Variants in PRELID1 observed in about 807,000 individuals in gnomAD.
The protein encoded by PRELID1 is PRELI domain-containing protein 1, mitochondrial.
A neutral mutation model predicts 29.0 loss-of-function variants in PRELID1; 15 were observed. That is an observed-to-expected ratio of 0.52 (90% CI 0.35 to 0.80). PRELID1 has a LOEUF of 0.80. Ranked by LOEUF, PRELID1 falls within the 30% of genes least tolerant of loss-of-function variation. The pLI is 0.01. For synonymous variants in PRELID1, 79 were observed against 106.5 expected (o/e 0.74, Z 1.59); for missense variants, 187 against 275.9 (o/e 0.68, Z 2.28).
In PRELID1 at chr5:177,306,181, G is replaced by A. The variant is rs1324109236; in HGVS notation, c.511+5G>A. The A allele has an allele frequency of 1.9e-6, 3 of 1,612,056 alleles. No individual in the cohort carries two copies. The highest frequency in any genetic ancestry group is 2.5e-6 in the Non-Finnish European group (3 of 1,178,250). On this transcript the variant is annotated splice_donor_5th_base_variant and intron_variant, in intron 4 of 4. Transcript: ENST00000303204. ...ATATCTTGGCTAAGCTGCAAGGTGA[G>A]TTTCTGGGTATGTGGATATTCCTCA...
rs529728091 is a variant in PRELID1, at chr5:177,304,739, A to G, written c.207A>G (p.Leu69=). The G allele has an allele frequency of 2.5e-5, 41 of 1,613,830 alleles. No homozygotes were observed. The highest frequency in any genetic ancestry group is 2.5e-4 in the East Asian group (11 of 44,872). Residue 69 remains leucine, a synonymous_variant, in exon 2 of 5, where the codon CTA becomes CTG. Transcript: ENST00000303204. The stretch of plus-strand genomic sequence containing the variant: ...GGATGCCACGCTGGGCCGAGCGACT[A>G]TTTCCTGCCAATGTTGCTCACTCGG... ...TNRMPRWAER[L]FPANVAHSVY...
rs777821883 is a variant in PRELID1, at chr5:177,304,529, T to G, written c.93-96T>G. 1.4e-5 allele frequency: 15 copies of G among 1,037,032 alleles called. No individual in the cohort carries two copies. The East Asian group carries it at 3.8e-4, about 26-fold the overall frequency. The allele number at this position is 1,037,032 out of a possible 1,614,324, so 64.2% of individuals were successfully genotyped here. On this transcript the variant is annotated intron_variant, in intron 1 of 4. Transcript: ENST00000303204. Reference sequence around the variant, plus strand: ...CACCCTGCAAGGTTACGGGAAGGCGTGGCCTCTCTAGGCCCGGAGCCTCCA... The same window carrying G: ...CACCCTGCAAGGTTACGGGAAGGCGGGGCCTCTCTAGGCCCGGAGCCTCCA...
In PRELID1 at chr5:177,304,012, C is replaced by T. The variant is rs745566859; in HGVS notation, c.27C>T (p.Ser9=). The change falls in exon 1 of 5, where the codon AGC becomes AGT. Residue 9 remains serine, a synonymous_variant. Transcript: ENST00000303204. Reference sequence around the variant, plus strand: ...TGGTGAAGTATTTCCTGGGCCAGAGCGTGCTCCGGAGTTCCTGGGACCAAG... The same window carrying T: ...TGGTGAAGTATTTCCTGGGCCAGAGTGTGCTCCGGAGTTCCTGGGACCAAG... MVKYFLGQ[S]VLRSSWDQVF... is the part of the protein sequence containing the mutation. 6.2e-7 allele frequency: 1 copy of T among 1,611,720 alleles called. No homozygotes were observed. Among genetic ancestry groups the T allele is most frequent in the Non-Finnish European group, 8.5e-7 (1 of 1,179,908 alleles).
rs1760813718 is a variant in PRELID1, at chr5:177,304,823, C to T, written c.291C>T (p.Thr97=). ...DPQNQTMTTF[T]WNINHARLMV... is the part of the protein sequence containing the mutation. ...AGAATCAGACCATGACTACCTTCAC[C>T]TGGAACATCAACCACGCCCGGCTGA... is the stretch of plus-strand genomic sequence containing the variant. The change falls in exon 2 of 5, where the codon ACC becomes ACT. Residue 97 remains threonine (T), a synonymous_variant. Transcript: ENST00000303204. 3 of 1,613,566 alleles carry T rather than the reference C, an allele frequency of 1.9e-6. No individual in the cohort carries two copies. The highest frequency in any genetic ancestry group is 2.5e-6 in the Non-Finnish European group (3 of 1,179,636).
At position 177,306,794 on chromosome 5, in the gene PRELID1, T is replaced by C; in HGVS notation, c.*224T>C. ...GCAGCTGAGGACCGAGGCACAGAGG[T>C]GCGGTGACTTGCCCGGGGCTCCAGG... On this transcript the variant is annotated 3_prime_UTR_variant, in exon 5 of 5. Transcript: ENST00000303204. 3 of 814,510 alleles carry C rather than the reference T, an allele frequency of 3.7e-6. No homozygotes were observed. The highest frequency in any genetic ancestry group is 5.6e-6 in the Non-Finnish European group (3 of 532,420). 50.5% of individuals were successfully genotyped at this position (814,510 alleles called of 1,614,324 possible). A position where few individuals can be genotyped will look rare whatever the true frequency, so the allele number is the denominator to read the frequency against.
chr5:177,305,724 T>C lies in PRELID1; in HGVS notation c.319-147T>C, dbSNP rs1760851778. 4.5e-6 allele frequency: 3 copies of C among 669,970 alleles called. No homozygotes were observed. In the Admixed American group the frequency reaches 7.6e-5, roughly 17 times the overall value. 41.5% of individuals were successfully genotyped at this position (669,970 alleles called of 1,614,324 possible). A position where few individuals can be genotyped will look rare whatever the true frequency, so the allele number is the denominator to read the frequency against. ...CGACCTTATTTATGGCTTCTTGTTC[T>C]GTCAGTGCCACTTGGAGGTGCAGTC... On this transcript the variant is annotated intron_variant, in intron 2 of 4. Coordinates refer to ENST00000303204, the MANE Select transcript of PRELID1 (RefSeq NM_013237.4).
intron 1 of PRELID1, 143 bp downstream of exon 1, chr5:177,304,220 T>C: frequency 1.2e-6 from 1 of 800,524 alleles, no homozygotes; most frequent in African/African-American, 1.7e-5. Context: ...AGGCCAGGCC[T>C]GCAAGGTCCT....
At chr5:177,305,639 A>AAG (rs144303874) in intron 2 of PRELID1, 1 of 547,676 alleles carries the variant, frequency 1.8e-6, no homozygotes, top group South Asian at 2.1e-5. Context: ...TGTTGATCTC[A>AAG]AGAGAGAGAC....
rs1017837000 is a variant in PRELID1 at position 177,303,806 on chromosome 5, CGG to C, written c.-179_-178del. On this transcript the variant is annotated 5_prime_UTR_variant, in exon 1 of 5. Transcript: ENST00000303204. This position sits in a 1 kb window ranked among gnomAD's most constrained non-coding sequence, Gnocchi z 6.1. ...GGCTGCGCCGGAAGTGGCGCGCGGC[CGG>C]ACAACTCATGGCGGCGGCGGCGGCG... 1 of 438,700 alleles carries C rather than the reference CGG, an allele frequency of 2.3e-6. No homozygotes were observed. Among genetic ancestry groups the C allele is most frequent in the African/African-American group, 2.1e-5 (1 of 47,850 alleles). The allele number at this position is 438,700 out of a possible 1,614,324, so 27.2% of individuals were successfully genotyped here.
intron 1 of PRELID1, 92 bp from the exon 2 acceptor site, chr5:177,304,533 C>A: frequency 9.0e-7 from 1 of 1,108,284 alleles, no homozygotes; most frequent in Non-Finnish European, 1.3e-6. Flanking sequence ...AAGGCGTGGC[C>A]TCTCTAGGCC....
chr5:177,304,627 A>C lies in PRELID1; in HGVS notation c.95A>C (p.Lys32Thr). 6.2e-7 allele frequency: 1 copy of C among 1,612,290 alleles called. No individual in the cohort carries two copies. Among genetic ancestry groups the C allele is most frequent in the South Asian group, 1.1e-5 (1 of 91,024 alleles). Residue 32 changes from lysine to threonine, a missense_variant and splice_region_variant, in exon 2 of 5, where the codon AAA becomes ACA. Transcript: ENST00000303204. ...CACCTTCACCCTGACACCTGCAGCAAACATGTCTTGACGGAAGACATAGTA... is the reference window on the plus strand; with the variant it reads ...CACCTTCACCCTGACACCTGCAGCACACATGTCTTGACGGAAGACATAGTA... ...FWQRYPNPYSKHVLTEDIVHR... is the reference protein window; with the variant it reads ...FWQRYPNPYSTHVLTEDIVHR...
At chr5:177,304,974 G>A in intron 2 of PRELID1, 124 bp downstream of exon 2, 1 of 884,054 alleles carries the variant, frequency 1.1e-6, no homozygotes, top group South Asian at 1.6e-5. Flanking sequence ...GCAGGTCTGG[G>A]TTACTGAGGG....
Position 177,306,089 on chromosome 5 carries a change from T to C in PRELID1, c.433-9T>C. 2 of 1,609,578 alleles carry C rather than the reference T, an allele frequency of 1.2e-6. No individual in the cohort carries two copies. Among genetic ancestry groups the C allele is most frequent in the Non-Finnish European group, 1.7e-6 (2 of 1,175,836 alleles). ...ACTCAGTATCCTTCCCATTCTCATC[T>C]CATGCCAGGAATTTGGTCTTGCCCG... On this transcript the variant is annotated splice_polypyrimidine_tract_variant and intron_variant, in intron 3 of 4. Transcript: ENST00000303204.
Position 177,304,058 on chromosome 5 carries a change from C to CG in PRELID1, c.75dup (p.Tyr26ValfsTer6). 6.2e-7 allele frequency: 1 copy of CG among 1,611,618 alleles called. No homozygotes were observed. The highest frequency in any genetic ancestry group is 8.5e-7 in the Non-Finnish European group (1 of 1,179,892). On this transcript the variant is annotated frameshift_variant, in exon 1 of 5. Coordinates refer to ENST00000303204, the MANE Select transcript of PRELID1 (RefSeq NM_013237.4). LOFTEE classifies it high-confidence loss of function. ...CCAAGTGTTCGCCGCCTTCTGGCAG[C>CG]GGTACCCGAATCCCTATAGGTACGT...
At chr5:177,305,668 A>G (rs769400510) in intron 2 of PRELID1, 1 of 582,658 alleles carries the variant, frequency 1.7e-6, no homozygotes, top group Non-Finnish European at 3.1e-6. Flanking sequence ...TTCTAGTTTA[A>G]GAGTCAGAAG....
intron 2 of PRELID1, among the ~76,000 whole-genome samples, chr5:177,305,166 G>A (rs1236071776): frequency 6.6e-6 from 1 of 151,388 alleles, no homozygotes; most frequent in Non-Finnish European, 1.5e-5. Context: ...TGGACTCACA[G>A]GAGTGATGCT....
At chr5:177,305,757 G>C in intron 2 of PRELID1, 114 bp from the exon 3 acceptor site, 2 of 851,496 alleles carry the variant, frequency 2.3e-6, no homozygotes, top group Non-Finnish European at 3.8e-6. Context: ...GTCAGGGGAA[G>C]GAATGGATTT....
At chr5:177,306,201 T>C in intron 4 of PRELID1, 25 bp downstream of exon 4, 1 of 1,602,768 alleles carries the variant, frequency 6.2e-7, no homozygotes. Flanking sequence ...ATGTGGATAT[T>C]CCTCATAGGG....
At position 177,305,898 on chromosome 5, in the gene PRELID1, G is replaced by A; in HGVS notation, c.346G>A (p.Val116Met). 1 of 1,614,126 alleles carries A rather than the reference G, an allele frequency of 6.2e-7. No homozygotes were observed. The highest frequency in any genetic ancestry group is 8.5e-7 in the Non-Finnish European group (1 of 1,180,034). Reference sequence around the variant, plus strand: ...GGTGGAGGAACGATGTGTTTACTGTGTGAACTCTGACAACAGTGGCTGGAC... The same window carrying A: ...GGTGGAGGAACGATGTGTTTACTGTATGAACTCTGACAACAGTGGCTGGAC... Reference protein sequence around the residue: ...MVVEERCVYCVNSDNSGWTEI... With the variant: ...MVVEERCVYCMNSDNSGWTEI... Residue 116 changes from valine to methionine, a missense_variant, in exon 3 of 5, where the codon GTG (valine) becomes ATG (methionine). By Grantham distance (21) the Val-to-Met change is conservative. Coordinates refer to ENST00000303204, the MANE Select transcript of PRELID1 (RefSeq NM_013237.4).
Sources: gnomAD v4.1 joint callset for allele counts (sites outside exome capture counted in the v4.1 genomes callset) on GRCh38, gnomAD v4.1.1 for gene constraint, Gnocchi (gnomAD v3.1) non-coding constraint, MANE v1.5 for transcripts, NCBI Gene and HGNC (gene_info 2026-07-23, HGNC 2026-07-21) for gene names.